The following CPNE4 variants were observed in gnomAD, a reference collection of about 807,000 sequenced individuals.
CPNE4 encodes copine-4.
CPNE4 carries 25 observed loss-of-function variants against 67.9 expected under a neutral mutation model. The observed-to-expected ratio is 0.37, with a 90% confidence interval of 0.27 to 0.51. The LOEUF (loss-of-function observed/expected upper bound fraction) is 0.51. Ranked by LOEUF, CPNE4 falls within the 20% of genes least tolerant of loss-of-function variation. CPNE4 has a pLI of 0.93. For synonymous variants in CPNE4, 242 were observed against 244.9 expected, an observed-to-expected ratio of 0.99 and a Z score of 0.11; for missense variants, 464 against 690.8, an observed-to-expected ratio of 0.67 and a Z score of 3.68.
At chr3:131,614,622 C>T (rs1940036724) in intron 7 of CPNE4, among the ~76,000 whole-genome samples, 1 of 152,040 alleles carries the variant, frequency 6.6e-6, no homozygotes, top group Non-Finnish European at 1.5e-5. Context: ...TTGGGGTTGA[C>T]AGAAGAAGTA....
chr3:131,552,228 C>T (rs894117865), intron 13 of CPNE4, among the ~76,000 whole-genome samples: 4 of 152,072 alleles, frequency 2.6e-5, no homozygotes, highest in Non-Finnish European at 5.9e-5. Context: ...AAGACCACCT[C>T]TTCTGCATTC....
intron 1 of CPNE4, among the ~76,000 whole-genome samples, chr3:131,959,057 G>T (rs1251813890): frequency 1.6e-4 from 5 of 31,242 alleles, no homozygotes; most frequent in Non-Finnish European, 2.7e-4. Flanking sequence ...CTGGAGTGCA[G>T]TGGCGGGATC....
intron 2 of CPNE4, among the ~76,000 whole-genome samples, chr3:131,760,565 G>T (rs2082860491): frequency 6.6e-6 from 1 of 152,128 alleles, no homozygotes; most frequent in Non-Finnish European, 1.5e-5. Context: ...GTAGCAGAAA[G>T]CCTAGACTTT....
At chr3:131,789,271 T>C (rs2083650002) in intron 2 of CPNE4, among the ~76,000 whole-genome samples, 2 of 152,158 alleles carry the variant, frequency 1.3e-5, no homozygotes. Context: ...ATCCCAGACC[T>C]GTCAATTACT....
chr3:131,598,849 AC>A (rs1037179246), intron 7 of CPNE4, among the ~76,000 whole-genome samples: 4 of 56,182 alleles, frequency 7.1e-5, no homozygotes, highest in African/African-American at 2.8e-4. Flanking sequence ...TTGTCCCCCC[AC>A]CCCCCCGCCA....
intron 1 of CPNE4, among the ~76,000 whole-genome samples, chr3:132,016,797 A>G (rs981048644): frequency 1.3e-5 from 2 of 152,174 alleles, no homozygotes; most frequent in Non-Finnish European, 2.9e-5. Context: ...TCCTTCATCC[A>G]TCTAGCAGTC....
chr3:131,793,273 A>G (rs925144003), intron 2 of CPNE4, among the ~76,000 whole-genome samples: 1 of 151,982 alleles, frequency 6.6e-6, no homozygotes, highest in Non-Finnish European at 1.5e-5. Flanking sequence ...CTTTCAATCC[A>G]TCTTCTACAC....
chr3:131,752,862 G>C (rs2082664491), intron 2 of CPNE4, among the ~76,000 whole-genome samples: 1 of 152,022 alleles, frequency 6.6e-6, no homozygotes. Flanking sequence ...ATTGTAATAA[G>C]AATCTCAATG....
intron 1 of CPNE4, among the ~76,000 whole-genome samples, chr3:131,979,512 T>C (rs770013306): frequency 4.0e-5 from 6 of 151,822 alleles, no homozygotes; most frequent in Non-Finnish European, 8.8e-5. Flanking sequence ...CCTGCTCGCT[T>C]TTGGTGTCCA....
intron 3 of CPNE4, among the ~76,000 whole-genome samples, chr3:131,708,999 T>TATATATATATAC: frequency 7.8e-6 from 1 of 129,012 alleles, no homozygotes; most frequent in East Asian, 2.5e-4. Flanking sequence ...TATATATACA[T>TATATATATATAC]ACACACATAA....
rs2081936719 is a variant in CPNE4, at chr3:131,723,548, C to T, written c.258G>A (p.Glu86=). The change falls in exon 3 of 16, where the codon GAG becomes GAA. Residue 86 remains glutamate, a synonymous_variant. Transcript: ENST00000429747. ...CTTCAAACCGCAGGCGCTGCACCTC[C>T]TCAAAGTAAAAGTCCACAGTAAACA... The part of the protein sequence containing the change: ...SKLFTVDFYF[E]EVQRLRFEVH... 3 of 1,614,100 alleles carry T rather than the reference C, an allele frequency of 1.9e-6. No individual in the cohort carries two copies. In the African/African-American group the frequency reaches 4.0e-5, roughly 22 times the overall value.
At chr3:131,920,344 C>T (rs946029132) in intron 1 of CPNE4, among the ~76,000 whole-genome samples, 4 of 152,148 alleles carry the variant, frequency 2.6e-5, no homozygotes, top group Non-Finnish European at 5.9e-5. Flanking sequence ...AAAATTTTCA[C>T]GACCTCCCCC....
At chr3:131,778,043 T>C (rs1053983427) in intron 2 of CPNE4, among the ~76,000 whole-genome samples, 23 of 152,140 alleles carry the variant, frequency 1.5e-4, no homozygotes, top group African/African-American at 3.6e-4. Context: ...TCTCCATTTT[T>C]ACAAACTGCT....
chr3:131,657,949 C>T (rs559801127), intron 7 of CPNE4, among the ~76,000 whole-genome samples: 14 of 152,172 alleles, frequency 9.2e-5, no homozygotes, highest in African/African-American at 1.4e-4. Flanking sequence ...CAACTGCTGA[C>T]CAGAGTAAAC....
chr3:131,810,286 T>C (rs745773692), intron 2 of CPNE4, among the ~76,000 whole-genome samples: 17 of 152,204 alleles, frequency 1.1e-4, no homozygotes, highest in Non-Finnish European at 2.4e-4. Context: ...GAGAATATTT[T>C]TGTCTGTCAT....
intron 1 of CPNE4, among the ~76,000 whole-genome samples, chr3:131,944,046 C>T (rs1004558646): frequency 6.6e-6 from 1 of 152,098 alleles, no homozygotes; most frequent in South Asian, 2.1e-4. Flanking sequence ...TTCTGAGTGT[C>T]CCTCTTTGAA....
chr3:131,763,635 A>G (rs1476333226), intron 2 of CPNE4, among the ~76,000 whole-genome samples: 1 of 152,058 alleles, frequency 6.6e-6, no homozygotes, highest in Non-Finnish European at 1.5e-5. Flanking sequence ...CCCAGATTTC[A>G]CCTGTCTCAG....
rs1182637884 is a variant in CPNE4, at chr3:131,881,857, T to C, written c.180+23407A>G. Among the ~76,000 whole-genome samples the C allele has an allele frequency of 2.0e-5, 3 of 152,192 alleles. No individual in the cohort carries two copies. The South Asian group carries it at 6.2e-4, about 32-fold the overall frequency. On this transcript the variant is annotated intron_variant, in intron 2 of 15. Coordinates refer to ENST00000429747, the MANE Select transcript of CPNE4 (RefSeq NM_130808.3). ...TGGTGAAGTGGTCAAATTTATTCCATGAAAGCAATATATTTTCTAACATCC... is the reference window on the plus strand; with the variant it reads ...TGGTGAAGTGGTCAAATTTATTCCACGAAAGCAATATATTTTCTAACATCC...
At chr3:131,792,743 A>G (rs13094359) in intron 2 of CPNE4, among the ~76,000 whole-genome samples, 2 of 134,922 alleles carry the variant, frequency 1.5e-5, no homozygotes, top group Non-Finnish European at 1.6e-5. Flanking sequence ...GTGTGTATAT[A>G]TGTATATATA....
Sources: gnomAD v4.1 joint callset for allele counts (sites outside exome capture counted in the v4.1 genomes callset) on GRCh38, gnomAD v4.1.1 for gene constraint, MANE v1.5 for transcripts, NCBI Gene and HGNC (gene_info 2026-07-23, HGNC 2026-07-21) for gene names.